Variants in ADGRG6 observed in about 807,000 individuals in gnomAD.
ADGRG6 encodes the protein G-protein coupled receptor 126.
ADGRG6 carries 84 observed loss-of-function variants against 142.4 expected under a neutral mutation model. That is an observed-to-expected ratio of 0.59 (90% CI 0.49 to 0.71). The LOEUF is 0.71. Ranked by LOEUF, ADGRG6 falls within the 30% of genes least tolerant of loss-of-function variation. ADGRG6 has a pLI of 0.00. For missense variants in ADGRG6, 1,367 were observed against 1,466.6 expected (o/e 0.93, Z 1.11); for synonymous variants, 521 against 520.5 (o/e 1.00, Z -0.01).
At chr6:142,317,797 A>G (rs1386372335) in intron 2 of ADGRG6, among the ~76,000 whole-genome samples, 1 of 93,980 alleles carries the variant, frequency 1.1e-5, no homozygotes, top group Non-Finnish European at 1.9e-5. Flanking sequence ...TATAATATAT[A>G]TATTATATAT....
At chr6:142,309,681 A>G in intron 2 of ADGRG6, 37 bp downstream of exon 2, 2 of 1,297,596 alleles carry the variant, frequency 1.5e-6, no homozygotes, top group African/African-American at 1.5e-5. Context: ...GAATTTAATC[A>G]TGATGACATT....
intron 2 of ADGRG6, among the ~76,000 whole-genome samples, chr6:142,320,800 AT>A (rs1284534959): frequency 6.6e-6 from 1 of 152,060 alleles, no homozygotes; most frequent in African/African-American, 2.4e-5. Flanking sequence ...TTTATTTGAA[AT>A]ACACCATTAA....
chr6:142,302,313 G>A lies in ADGRG6; in HGVS notation c.-17G>A. On this transcript the variant is annotated 5_prime_UTR_variant, in exon 1 of 25. Coordinates refer to ENST00000367609, the MANE Select transcript of ADGRG6 (RefSeq NM_198569.3). The stretch of plus-strand genomic sequence containing the variant: ...TGATCTTGCGGCCAAAGGGGACCTC[G>A]GCGCAGTAATGTCAACATGTAAGTC... The A allele has an allele frequency of 5.0e-6, 8 of 1,612,758 alleles. No individual in the cohort carries two copies. The highest frequency in any genetic ancestry group is 5.9e-6 in the Non-Finnish European group (7 of 1,179,296).
At chr6:142,375,856 CA>C (rs1008298033) in intron 4 of ADGRG6, among the ~76,000 whole-genome samples, 33 of 152,152 alleles carry the variant, frequency 2.2e-4, no homozygotes, top group African/African-American at 7.9e-4. Flanking sequence ...AATATCCTGT[CA>C]TTTTTTTCAC....
intron 2 of ADGRG6, among the ~76,000 whole-genome samples, chr6:142,334,255 A>C (rs1779204012): frequency 6.6e-6 from 1 of 152,206 alleles, no homozygotes; most frequent in African/African-American, 2.4e-5. Context: ...AAAAGCAGGG[A>C]ATCAAAAACA....
At chr6:142,323,132 TTG>T (rs1358795098) in intron 2 of ADGRG6, among the ~76,000 whole-genome samples, 127 of 148,214 alleles carry the variant, frequency 8.6e-4, no homozygotes, top group African/African-American at 2.9e-3. Context: ...TTTTTTTTTT[TTG>T]CCTATGAAGA....
chr6:142,336,942 G>A (rs1481303402), intron 2 of ADGRG6, among the ~76,000 whole-genome samples: 1 of 152,150 alleles, frequency 6.6e-6, no homozygotes, highest in East Asian at 1.9e-4. Context: ...ACTGCCAAAG[G>A]ACTTTGATAT....
chr6:142,332,362 G>A (rs1427677095), intron 2 of ADGRG6, among the ~76,000 whole-genome samples: 2 of 152,074 alleles, frequency 1.3e-5, no homozygotes, highest in Non-Finnish European at 2.9e-5. Flanking sequence ...GGTATTAGGT[G>A]TCTTTACATA....
intron 1 of ADGRG6, among the ~76,000 whole-genome samples, chr6:142,303,983 T>G (rs1374899686): frequency 6.6e-6 from 1 of 152,168 alleles, no homozygotes; most frequent in Admixed American, 6.5e-5. Context: ...TGAGATTCTT[T>G]TTTGAGCTAT....
intron 2 of ADGRG6, among the ~76,000 whole-genome samples, chr6:142,337,952 T>C (rs1779397657): frequency 6.6e-6 from 1 of 151,250 alleles, no homozygotes; most frequent in South Asian, 2.1e-4. Flanking sequence ...ACTGAATTTA[T>C]ATATACTTTT....
chr6:142,397,639 A>C lies in ADGRG6; in HGVS notation c.1451A>C (p.Tyr484Ser). The C allele has an allele frequency of 6.2e-7, 1 of 1,609,728 alleles. No homozygotes were observed. Among genetic ancestry groups the C allele is most frequent in the Non-Finnish European group, 8.5e-7 (1 of 1,177,780 alleles). Residue 484 changes from tyrosine (Y) to serine (S), a missense_variant, in exon 10 of 25, where the codon TAC (tyrosine) becomes TCC (serine). By Grantham distance (144) the Tyr-to-Ser change is moderately radical. Around this residue, in one of 3 missense-constraint regions of ADGRG6, gnomAD observed 737 missense variants for 746.5 expected, o/e 0.99. Transcript: ENST00000367609. ...TTGGTGCTTTGGGCCCTTCTAGTTTACAATGCTACCAACAATACTAATTTG... is the reference window on the plus strand; with the variant it reads ...TTGGTGCTTTGGGCCCTTCTAGTTTCCAATGCTACCAACAATACTAATTTG... ...PRLVLWALLV[Y>S]NATNNTNLEG...
intron 4 of ADGRG6, among the ~76,000 whole-genome samples, chr6:142,371,703 T>C (rs1030297004): frequency 6.6e-6 from 1 of 152,036 alleles, no homozygotes; most frequent in Non-Finnish European, 1.5e-5. Context: ...GCCAGGATGG[T>C]CTCAATCTCC....
At chr6:142,432,251 G>A (rs777113545) in intron 22 of ADGRG6, among the ~76,000 whole-genome samples, 26 of 152,036 alleles carry the variant, frequency 1.7e-4, no homozygotes, top group Non-Finnish European at 2.9e-4. Flanking sequence ...GCCCACTACT[G>A]AACTGTGAAA....
At chr6:142,319,376 C>CA (rs1274827272) in intron 2 of ADGRG6, among the ~76,000 whole-genome samples, 3 of 152,042 alleles carry the variant, frequency 2.0e-5, no homozygotes, top group Non-Finnish European at 4.4e-5. Flanking sequence ...GTAAATCGGA[C>CA]AAAAATCTCC....
chr6:142,411,400 G>A lies in ADGRG6; in HGVS notation c.2530G>A (p.Gly844Arg). 1 of 1,564,998 alleles carries A rather than the reference G, an allele frequency of 6.4e-7. No individual in the cohort carries two copies. Reference sequence around the variant, plus strand: ...CCTGTGTAACCACTTCACACACTTTGGAGTTCTGATGGTAAGGGGGGAATT... The same window carrying A: ...CCTGTGTAACCACTTCACACACTTTAGAGTTCTGATGGTAAGGGGGGAATT... ...VCLCNHFTHFGVLMDLPRSAS... is the reference protein window; with the variant it reads ...VCLCNHFTHFRVLMDLPRSAS... Residue 844 changes from glycine to arginine, a missense_variant, in exon 18 of 25, where the codon GGA becomes AGA. Coordinates refer to ENST00000367609, the MANE Select transcript of ADGRG6 (RefSeq NM_198569.3).
intron 2 of ADGRG6, among the ~76,000 whole-genome samples, chr6:142,356,107 A>T (rs537961041): frequency 6.6e-6 from 1 of 152,226 alleles, no homozygotes; most frequent in Non-Finnish European, 1.5e-5. Flanking sequence ...TTTGGCAATG[A>T]TGTGGCAAAC....
intron 18 of ADGRG6, among the ~76,000 whole-genome samples, chr6:142,412,634 C>T (rs561958824): frequency 1.3e-5 from 2 of 152,214 alleles, no homozygotes; most frequent in East Asian, 1.9e-4. Flanking sequence ...AAATATTTTC[C>T]TTTTGCTGTC....
At chr6:142,341,610 ATAATATG>A (rs1779654453) in intron 2 of ADGRG6, among the ~76,000 whole-genome samples, 1 of 130,058 alleles carries the variant, frequency 7.7e-6, no homozygotes, top group African/African-American at 2.9e-5. Context: ...TATATACTAT[ATAATATG>A]TAGTATATAT....
intron 1 of ADGRG6, among the ~76,000 whole-genome samples, chr6:142,307,576 G>A (rs1166242483): frequency 6.6e-6 from 1 of 151,870 alleles, no homozygotes; most frequent in South Asian, 2.1e-4. Context: ...AGTTCTTTTT[G>A]GTGGGTAATA....
Sources: allele counts gnomAD v4.1 joint callset (sites outside exome capture counted in the v4.1 genomes callset), GRCh38; gene constraint gnomAD v4.1.1; regional missense constraint gnomAD v4.1.1; transcripts MANE v1.5; gene names NCBI Gene and HGNC (gene_info 2026-07-23, HGNC 2026-07-21).